Variants in NELL2 observed in about 807,000 individuals in gnomAD.
NELL2 encodes the protein protein kinase C-binding protein NELL2.
Under a neutral mutation model 109.6 loss-of-function variants are expected in NELL2, and 41 were observed. The ratio of observed to expected loss-of-function variants is 0.37; its 90% CI spans 0.29 to 0.49. The LOEUF (loss-of-function observed/expected upper bound fraction) is 0.49. Ranked by LOEUF, NELL2 falls within the 20% of genes least tolerant of loss-of-function variation. The pLI, the probability that NELL2 is intolerant of heterozygous loss-of-function variation, is 0.98. For synonymous variants in NELL2, 355 were observed against 344.7 expected, an observed-to-expected ratio of 1.03 and a Z score of -0.33; for missense variants, 900 against 1,008.3, an observed-to-expected ratio of 0.89 and a Z score of 1.45.
intron 12 of NELL2, among the ~76,000 whole-genome samples, chr12:44,679,462 C>T (rs1295111774): frequency 1.3e-5 from 2 of 152,036 alleles, no homozygotes; most frequent in Admixed American, 6.6e-5. Flanking sequence ...GAATCCACCA[C>T]CTGACATTTT....
chr12:44,571,016 C>T (rs961293220), intron 15 of NELL2, among the ~76,000 whole-genome samples: 1 of 152,070 alleles, frequency 6.6e-6, no homozygotes, highest in African/African-American at 2.4e-5. Context: ...TCAGAACAAC[C>T]CTATTGTGCT....
At chr12:44,785,480 C>G (rs1245445092) in intron 3 of NELL2, among the ~76,000 whole-genome samples, 1 of 152,096 alleles carries the variant, frequency 6.6e-6, no homozygotes, top group African/African-American at 2.4e-5. Context: ...TCAGTGCTAT[C>G]CCCATCAAGC....
rs1382273740 is a variant in NELL2, at chr12:44,686,905, G to GAGGC, written c.1318+16817_1318+16820dup. ...CCTGCCCCCAGAGGTGGAGCCTACA[G>GAGGC]AGGCAGGCAGGCCTCCTTGAGCTGT... On this transcript the variant is annotated intron_variant, in intron 12 of 19. Coordinates refer to ENST00000429094, the MANE Select transcript of NELL2 (RefSeq NM_001145108.2). Among the ~76,000 whole-genome samples, 3 of 152,182 alleles carry GAGGC rather than the reference G, an allele frequency of 2.0e-5. No homozygotes were observed. The East Asian group carries it at 5.8e-4, about 29-fold the overall frequency.
chr12:44,800,119 A>G (rs1355471980), intron 3 of NELL2, among the ~76,000 whole-genome samples: 1 of 152,206 alleles, frequency 6.6e-6, no homozygotes, highest in African/African-American at 2.4e-5. Flanking sequence ...TTAATTACTT[A>G]GTCATTTGGC....
chr12:44,614,565 T>C (rs937838117), intron 13 of NELL2, among the ~76,000 whole-genome samples: 2 of 152,036 alleles, frequency 1.3e-5, no homozygotes, highest in African/African-American at 4.8e-5. Context: ...AGTAATAATA[T>C]ACACAGTTGG....
intron 15 of NELL2, among the ~76,000 whole-genome samples, chr12:44,592,128 G>A (rs1408811367): frequency 1.3e-5 from 2 of 152,112 alleles, no homozygotes; most frequent in Non-Finnish European, 2.9e-5. Flanking sequence ...TCTACCAAAT[G>A]CTAGCTGTGT....
At chr12:44,758,970 CAT>C in intron 9 of NELL2, among the ~76,000 whole-genome samples, 1 of 152,284 alleles carries the variant, frequency 6.6e-6, no homozygotes, top group Non-Finnish European at 1.5e-5. Flanking sequence ...TGGCCTCAGA[CAT>C]GGTGACTGAC....
intron 11 of NELL2, among the ~76,000 whole-genome samples, chr12:44,708,070 A>G (rs1209758300): frequency 6.6e-6 from 1 of 152,162 alleles, no homozygotes; most frequent in Non-Finnish European, 1.5e-5. Context: ...GGAGGAGGAG[A>G]AGAACCAGAA....
intron 14 of NELL2, among the ~76,000 whole-genome samples, chr12:44,609,316 T>C (rs1283403119): frequency 2.0e-5 from 3 of 152,038 alleles, no homozygotes; most frequent in African/African-American, 7.2e-5. Context: ...TCGGGAAGGC[T>C]ACTAAGTGAC....
intron 12 of NELL2, among the ~76,000 whole-genome samples, chr12:44,668,668 G>A (rs760853217): frequency 4.6e-5 from 7 of 151,944 alleles, no homozygotes; most frequent in South Asian, 2.1e-4. Context: ...TGGAATACAC[G>A]CACACTATCC....
chr12:44,603,748 A>G (rs192872120), intron 15 of NELL2, among the ~76,000 whole-genome samples: 1 of 152,308 alleles, frequency 6.6e-6, no homozygotes, highest in East Asian at 1.9e-4. Flanking sequence ...GAATGCAACC[A>G]TTCCTACTAA....
At chr12:44,837,362 C>A (rs1398780312) in intron 2 of NELL2, among the ~76,000 whole-genome samples, 2 of 152,180 alleles carry the variant, frequency 1.3e-5, no homozygotes, top group African/African-American at 2.4e-5. Context: ...CATCCCTAAT[C>A]GTGGCAATCT....
intron 15 of NELL2, among the ~76,000 whole-genome samples, chr12:44,542,424 C>T (rs1192997838): frequency 1.3e-5 from 2 of 151,818 alleles, no homozygotes; most frequent in Admixed American, 1.3e-4. Flanking sequence ...GCTTTAAAGG[C>T]TTTAAATATC....
upstream of NELL2, among the ~76,000 whole-genome samples, chr12:44,915,885 A>G (rs1325919017): frequency 6.6e-6 from 1 of 152,222 alleles, no homozygotes; most frequent in Non-Finnish European, 1.5e-5. Context: ...TACTTCTTAA[A>G]TGACATCACT....
At chr12:44,876,324 C>T, upstream of NELL2, 2 of 1,182,534 alleles carry the variant, frequency 1.7e-6, no homozygotes, top group Non-Finnish European at 2.1e-6. Flanking sequence ...ATGGAGAAAG[C>T]TCCGGGAGAC....
intron 15 of NELL2, among the ~76,000 whole-genome samples, chr12:44,585,960 A>G (rs1436093836): frequency 6.6e-6 from 1 of 151,438 alleles, no homozygotes; most frequent in South Asian, 2.1e-4. Context: ...AGATTCTTTC[A>G]GTATATTTAT....
chr12:44,621,911 G>A (rs1946074678), intron 13 of NELL2, among the ~76,000 whole-genome samples: 1 of 151,996 alleles, frequency 6.6e-6, no homozygotes, highest in Non-Finnish European at 1.5e-5. Flanking sequence ...GAATAATCCT[G>A]GTTCACGTAG....
intron 13 of NELL2, among the ~76,000 whole-genome samples, chr12:44,662,676 T>C (rs143367471): frequency 2.3e-3 from 347 of 152,302 alleles, no homozygotes; most frequent in African/African-American, 7.9e-3. Flanking sequence ...GTTAAACAAA[T>C]AAAGCAGAAA....
At position 44,566,533 on chromosome 12, in the gene NELL2, T is replaced by TCA. The variant is rs3071958; in HGVS notation, c.1664-33814_1664-33813dup. On this transcript the variant is annotated intron_variant, in intron 15 of 19. Transcript: ENST00000429094. ...CTACACTAGTAGATATTACACATAC[T>TCA]CACACACACACACACACACACACAC... Among the ~76,000 whole-genome samples, 1,054 of 148,854 alleles carry TCA rather than the reference T, an allele frequency of 7.1e-3. 8 individuals are homozygous for TCA. Among genetic ancestry groups the TCA allele is most frequent in the African/African-American group, 0.022 (891 of 39,970 alleles).
Sources: allele counts gnomAD v4.1 joint callset (sites outside exome capture counted in the v4.1 genomes callset), GRCh38; gene constraint gnomAD v4.1.1; transcripts MANE v1.5; gene names NCBI Gene and HGNC (gene_info 2026-07-23, HGNC 2026-07-21).